MTR: variants seen among roughly 807,000 people sequenced by gnomAD.
The protein encoded by MTR is methionine synthase.
Under a neutral mutation model 154.8 loss-of-function variants are expected in MTR, and 84 were observed. That is an observed-to-expected ratio of 0.54 (90% CI 0.45 to 0.65). The LOEUF (loss-of-function observed/expected upper bound fraction) is 0.65, where lower values mean the gene tolerates loss of function less well. MTR is among the 30% of genes least tolerant of loss of function. The pLI, the probability that MTR is intolerant of heterozygous loss-of-function variation, is 0.00. For synonymous variants in MTR, 554 were observed against 553.9 expected, an observed-to-expected ratio of 1.00 and a Z score of 0.00; for missense variants, 1,275 against 1,570.2, an observed-to-expected ratio of 0.81 and a Z score of 3.18.
chr1:236,806,292 G>A (rs1308553868), intron 3 of MTR, 59 bp downstream of exon 3: 12 of 1,357,160 alleles, frequency 8.8e-6, no homozygotes, highest in Admixed American at 3.4e-5. Flanking sequence ...TGCATTGGTA[G>A]TTGCTAGTGA....
At chr1:236,825,298 T>C (rs1662226520) in intron 9 of MTR, 40 bp from the exon 10 acceptor site, 1 of 1,490,472 alleles carries the variant, frequency 6.7e-7, no homozygotes, top group South Asian at 1.1e-5. Flanking sequence ...TGTATATTTT[T>C]AAGGCAATTT....
intron 24 of MTR, among the ~76,000 whole-genome samples, chr1:236,876,390 A>T (rs1665434728): frequency 6.6e-6 from 1 of 152,194 alleles, no homozygotes; most frequent in Non-Finnish European, 1.5e-5. Context: ...GTCTCAAGGG[A>T]TATGGCCACC....
intron 8 of MTR, chr1:236,820,203 C>T: frequency 2.6e-6 from 2 of 760,018 alleles, no homozygotes; most frequent in Admixed American, 3.4e-5. Flanking sequence ...GCACCATTTC[C>T]TGTGAACACT....
At chr1:236,817,709 C>CT (rs1055335700) in intron 8 of MTR, among the ~76,000 whole-genome samples, 64 of 151,946 alleles carry the variant, frequency 4.2e-4, no homozygotes, top group African/African-American at 1.5e-3. Flanking sequence ...ATGTGATGTT[C>CT]TTTTTTTTCA....
intron 1 of MTR, among the ~76,000 whole-genome samples, chr1:236,797,942 A>G (rs185213764): frequency 7.5e-6 from 1 of 132,718 alleles, no homozygotes. Flanking sequence ...TGGGTGAGAG[A>G]GTGAGACTTA....
intron 8 of MTR, chr1:236,820,154 TGTG>T (rs1661843330): frequency 3.9e-6 from 3 of 764,400 alleles, no homozygotes; most frequent in African/African-American, 1.7e-5. Context: ...GTGGGTTTGA[TGTG>T]GTGGATGCTG....
At chr1:236,847,758 T>C (rs1236178370) in intron 15 of MTR, among the ~76,000 whole-genome samples, 1 of 152,158 alleles carries the variant, frequency 6.6e-6, no homozygotes, top group African/African-American at 2.4e-5. Context: ...GTTACTATTA[T>C]AAAAAACAAG....
chr1:236,891,615 G>A (rs1293268966), intron 29 of MTR, among the ~76,000 whole-genome samples: 1 of 152,192 alleles, frequency 6.6e-6, no homozygotes, highest in Non-Finnish European at 1.5e-5. Context: ...AGGTGGTCAC[G>A]TGTCAGGATC....
At chr1:236,862,423 T>G in intron 21 of MTR, 80 bp downstream of exon 21, 1 of 1,153,456 alleles carries the variant, frequency 8.7e-7, no homozygotes, top group Non-Finnish European at 1.3e-6. Flanking sequence ...GCCTAAGCAG[T>G]CAGGGTTGGC....
intron 11 of MTR, among the ~76,000 whole-genome samples, chr1:236,827,881 C>A (rs1662384298): frequency 6.6e-6 from 1 of 152,064 alleles, no homozygotes; most frequent in South Asian, 2.1e-4. Flanking sequence ...TCTCACTGTT[C>A]CAAGTCTGTT....
chr1:236,895,825 C>G (rs1404809720), intron 31 of MTR, among the ~76,000 whole-genome samples: 2 of 152,228 alleles, frequency 1.3e-5, no homozygotes, highest in East Asian at 1.9e-4. Flanking sequence ...CATCCTGTGC[C>G]TCTCCTGCCC....
intron 22 of MTR, among the ~76,000 whole-genome samples, chr1:236,871,997 G>C (rs2103359757): frequency 6.6e-6 from 1 of 152,028 alleles, no homozygotes; most frequent in Admixed American, 6.5e-5. Context: ...ATTCTTTTTT[G>C]TTCTTGTTAT....
intron 6 of MTR, among the ~76,000 whole-genome samples, chr1:236,814,385 TAAC>T (rs1232903803): frequency 6.6e-6 from 1 of 152,190 alleles, no homozygotes; most frequent in Non-Finnish European, 1.5e-5. Flanking sequence ...TAAGAGGGAT[TAAC>T]AGGAGGGTTA....
intron 1 of MTR, among the ~76,000 whole-genome samples, chr1:236,796,719 T>TA (rs1267128746): frequency 1.3e-5 from 2 of 150,950 alleles, no homozygotes; most frequent in African/African-American, 4.9e-5. Context: ...AACCTCCCTA[T>TA]GAGAGGTTTA....
At chr1:236,804,351 A>G (rs893849825) in intron 2 of MTR, among the ~76,000 whole-genome samples, 8 of 152,366 alleles carry the variant, frequency 5.3e-5, no homozygotes, top group African/African-American at 1.9e-4. Context: ...CAGTGAGAAG[A>G]TGCTGTCTAT....
In MTR at chr1:236,885,613, A is replaced by G. The variant is rs930230417; in HGVS notation, c.2775+394A>G. Among the ~76,000 whole-genome samples, 4 of 152,336 alleles carry G rather than the reference A, an allele frequency of 2.6e-5. No homozygotes were observed. In the South Asian group the frequency reaches 8.3e-4, roughly 32 times the overall value. On this transcript the variant is annotated intron_variant, in intron 26 of 32. Coordinates refer to ENST00000366577, the MANE Select transcript of MTR (RefSeq NM_000254.3). ...ATGGAAGAAAATGGAGACATGAGGC[A>G]GGACCAGTATAAGCCTTTTGCCTGA...
intron 26 of MTR, among the ~76,000 whole-genome samples, chr1:236,885,963 G>A (rs1452559630): frequency 6.6e-6 from 1 of 152,154 alleles, no homozygotes; most frequent in East Asian, 1.9e-4. Flanking sequence ...CTCAGGGTGG[G>A]CCATGGAAGA....
chr1:236,838,782 A>G (rs1021617059), intron 15 of MTR, among the ~76,000 whole-genome samples, 183 bp downstream of exon 15: 1 of 152,222 alleles, frequency 6.6e-6, no homozygotes, highest in East Asian at 1.9e-4. Context: ...TTACTTAACA[A>G]TGGAGATATG....
chr1:236,839,771 T>C (rs1303786719), intron 15 of MTR, among the ~76,000 whole-genome samples: 1 of 152,226 alleles, frequency 6.6e-6, no homozygotes, highest in East Asian at 1.9e-4. Context: ...AGCATTGTGG[T>C]AGCAAAAAGC....
Sources: allele counts gnomAD v4.1 joint callset (sites outside exome capture counted in the v4.1 genomes callset), GRCh38; gene constraint gnomAD v4.1.1; transcripts MANE v1.5; gene names NCBI Gene and HGNC (gene_info 2026-07-23, HGNC 2026-07-21).